ABI1: variants seen among roughly 807,000 people sequenced by gnomAD.
ABI1 encodes abl interactor 1.
In ABI1, 14 loss-of-function variants were observed where a neutral mutation model predicts 54.6. The ratio of observed to expected loss-of-function variants is 0.26; its 90% CI spans 0.17 to 0.40. The LOEUF (loss-of-function observed/expected upper bound fraction) is 0.40, where lower values mean the gene tolerates loss of function less well. ABI1 is among the 10% of genes least tolerant of loss of function. The probability of loss-of-function intolerance (pLI) is 1.00; values close to 1 mark genes in which losing one functional copy is unlikely to be tolerated. For missense variants in ABI1, 443 were observed against 598.3 expected, an observed-to-expected ratio of 0.74 and a Z score of 2.71; for synonymous variants, 194 against 209.3, an observed-to-expected ratio of 0.93 and a Z score of 0.63.
chr10:26,822,599 C>CAA (rs55769010), intron 2 of ABI1, among the ~76,000 whole-genome samples: 3 of 148,742 alleles, frequency 2.0e-5, no homozygotes, highest in Non-Finnish European at 3.0e-5. Flanking sequence ...CATGCCAGAC[C>CAA]AAAAAAAAAA....
chr10:26,809,874 G>A (rs1217514198), intron 2 of ABI1, among the ~76,000 whole-genome samples: 1 of 152,146 alleles, frequency 6.6e-6, no homozygotes, highest in Non-Finnish European at 1.5e-5. Context: ...CAAGAAGAGG[G>A]CATGGAAGCT....
At chr10:26,817,093 G>A (rs2047622434) in intron 2 of ABI1, among the ~76,000 whole-genome samples, 1 of 151,744 alleles carries the variant, frequency 6.6e-6, no homozygotes, top group East Asian at 1.9e-4. Context: ...TCTGCCTCCC[G>A]AGTTGAGGCG....
At position 26,751,768 on chromosome 10, in the gene ABI1, G is replaced by C. The variant is rs12766451; in HGVS notation, c.1100C>G (p.Thr367Ser). 6.2e-7 allele frequency: 1 copy of C among 1,610,102 alleles called. No homozygotes were observed. Among genetic ancestry groups the C allele is most frequent in the African/African-American group, 1.3e-5 (1 of 74,764 alleles). ...RVQENIADSP[T>S]PPPPPPPDDI... ...ATCTGGTGGAGGTGGTGGCGGTGGA[G>C]TTGGACTATCAGCAACTAAAAAGAT... The change falls in exon 10 of 11, where the codon ACT becomes AGT. Residue 367 changes from threonine (T) to serine (S), a missense_variant. By Grantham distance (58) the Thr-to-Ser change is moderately conservative. Transcript: ENST00000376140.
At chr10:26,780,478 G>C (rs569343362) in intron 2 of ABI1, among the ~76,000 whole-genome samples, 1 of 152,126 alleles carries the variant, frequency 6.6e-6, no homozygotes, top group Non-Finnish European at 1.5e-5. Flanking sequence ...AAGCAATAAC[G>C]ATCTTGCACA....
intron 10 of ABI1, among the ~76,000 whole-genome samples, chr10:26,750,337 T>C (rs1837455297): frequency 6.6e-6 from 1 of 152,004 alleles, no homozygotes; most frequent in Non-Finnish European, 1.5e-5. Context: ...CTACTAAAAA[T>C]ACAAAAGTTA....
intron 1 of ABI1, among the ~76,000 whole-genome samples, chr10:26,834,128 G>A (rs563856652): frequency 6.6e-6 from 1 of 152,240 alleles, no homozygotes; most frequent in African/African-American, 2.4e-5. Flanking sequence ...TACTCAGGAG[G>A]GTGAGGCAGG....
intron 1 of ABI1, among the ~76,000 whole-genome samples, chr10:26,851,890 T>G (rs1003741731): frequency 2.6e-5 from 4 of 152,134 alleles, no homozygotes; most frequent in Non-Finnish European, 2.9e-5. Flanking sequence ...AAAATTAAAA[T>G]AGTTTGTGGT....
chr10:26,800,244 GC>G (rs993354100), intron 2 of ABI1, among the ~76,000 whole-genome samples: 2 of 152,008 alleles, frequency 1.3e-5, no homozygotes, highest in African/African-American at 4.8e-5. Context: ...AATTAGCCGG[GC>G]ATGGTGGCGT....
chr10:26,770,974 A>T (rs748929169), intron 4 of ABI1, 101 bp downstream of exon 4: 15 of 1,184,512 alleles, frequency 1.3e-5, no homozygotes, highest in Middle Eastern at 1.9e-4. Flanking sequence ...TACAGGGAAA[A>T]GCAGACAGAC....
intron 8 of ABI1, among the ~76,000 whole-genome samples, chr10:26,756,082 A>ATTTTCAAATTCTAAATTCTAAATTTC (rs1838263708): frequency 6.6e-6 from 1 of 152,220 alleles, no homozygotes; most frequent in African/African-American, 2.4e-5. Context: ...TTCTAAGGAA[A>ATTTTCAAATTCTAAATTCTAAATTTC]GACTTCTAAA....
In ABI1 at chr10:26,827,143, G is replaced by C. The variant is rs951536172; in HGVS notation, c.118-3838C>G. On this transcript the variant is annotated intron_variant, in intron 1 of 10. Transcript: ENST00000376140. ...TTGTCCAGGCTGGTCTTGATCTCCT[G>C]ACCTCATGATCCACCAGCCTCGGCC... 4.9e-4 allele frequency among the ~76,000 whole-genome samples: 74 copies of C among 151,966 alleles called. 1 individual carries two copies. The highest frequency in any genetic ancestry group is 1.8e-3 in the African/African-American group (73 of 41,388).
intron 2 of ABI1, among the ~76,000 whole-genome samples, chr10:26,822,490 C>T (rs891278184): frequency 2.0e-5 from 3 of 151,822 alleles, no homozygotes; most frequent in African/African-American, 7.3e-5. Flanking sequence ...AACACATAAA[C>T]AAAATGTGTA....
intron 7 of ABI1, among the ~76,000 whole-genome samples, chr10:26,764,401 A>G (rs1244276133): frequency 6.6e-6 from 1 of 152,162 alleles, no homozygotes; most frequent in Non-Finnish European, 1.5e-5. Context: ...TTTTACTGAA[A>G]TATATATTGA....
intron 1 of ABI1, among the ~76,000 whole-genome samples, chr10:26,835,106 A>AAAAAAAAAAAAAAC (rs1564561541): frequency 8.0e-6 from 1 of 124,754 alleles, no homozygotes; most frequent in Non-Finnish European, 1.7e-5. Context: ...AAAAAAAAAA[A>AAAAAAAAAAAAAAC]AAAAAAAAAC....
chr10:26,860,619 G>A lies in ABI1; in HGVS notation c.117+128C>T. 1.4e-6 allele frequency: 1 copy of A among 732,798 alleles called. No individual in the cohort carries two copies. The highest frequency in any genetic ancestry group is 2.4e-6 in the Non-Finnish European group (1 of 422,226). The allele number at this position is 732,798 out of a possible 1,614,324, so 45.4% of individuals were successfully genotyped here. On this transcript the variant is annotated intron_variant, in intron 1 of 10. Transcript: ENST00000376140. This position sits in a 1 kb window ranked among gnomAD's most constrained non-coding sequence, Gnocchi z 4.1. ...GTCCCCGGTTGGGGCTGGGGTTGGGGCTGCGGTAGGGGCTCGGGTTGGTGG... is the reference window on the plus strand; with the variant it reads ...GTCCCCGGTTGGGGCTGGGGTTGGGACTGCGGTAGGGGCTCGGGTTGGTGG...
At chr10:26,752,216 GGCTTGAAACA>G (rs1837724877) in intron 9 of ABI1, among the ~76,000 whole-genome samples, 1 of 152,108 alleles carries the variant, frequency 6.6e-6, no homozygotes, top group Non-Finnish European at 1.5e-5. Flanking sequence ...CCCTGATTTT[GGCTTGAAACA>G]GCTTTGGTTC....
At chr10:26,800,666 G>C (rs1407387736) in intron 2 of ABI1, among the ~76,000 whole-genome samples, 1 of 152,098 alleles carries the variant, frequency 6.6e-6, no homozygotes, top group Non-Finnish European at 1.5e-5. Flanking sequence ...AGGAGGTGGA[G>C]GATGCAACGA....
intron 2 of ABI1, among the ~76,000 whole-genome samples, chr10:26,801,389 A>G (rs1260111612): frequency 2.0e-5 from 3 of 152,112 alleles, no homozygotes; most frequent in African/African-American, 7.2e-5. Flanking sequence ...TCTACAAAAA[A>G]TACAAAAATT....
At chr10:26,838,282 G>A (rs746414928) in intron 1 of ABI1, among the ~76,000 whole-genome samples, 23 of 151,670 alleles carry the variant, frequency 1.5e-4, no homozygotes, top group African/African-American at 4.8e-4. Context: ...TCAGCCTCCC[G>A]AAGTGCTGGG....
Sources: allele counts gnomAD v4.1 joint callset (sites outside exome capture counted in the v4.1 genomes callset), GRCh38; gene constraint gnomAD v4.1.1; non-coding constraint Gnocchi (gnomAD v3.1); transcripts MANE v1.5; gene names NCBI Gene and HGNC (gene_info 2026-07-23, HGNC 2026-07-21).